Variants in CCDC126 observed in about 807,000 individuals in gnomAD.
The protein encoded by CCDC126 is coiled-coil domain containing 126.
CCDC126 carries 5 observed loss-of-function variants against 11.7 expected under a neutral mutation model. That is an observed-to-expected ratio of 0.43 (90% CI 0.22 to 0.90). The LOEUF (loss-of-function observed/expected upper bound fraction) is 0.90, where lower values mean the gene tolerates loss of function less well. CCDC126 is among the 40% of genes least tolerant of loss of function. CCDC126 has a pLI of 0.27. For synonymous variants in CCDC126, 60 were observed against 61.9 expected (o/e 0.97, Z 0.14); for missense variants, 150 against 163.1 (o/e 0.92, Z 0.44).
At chr7:23,631,903 A>G (rs1382484450) in intron 3 of CCDC126, among the ~76,000 whole-genome samples, 1 of 152,170 alleles carries the variant, frequency 6.6e-6, no homozygotes, top group East Asian at 1.9e-4. Flanking sequence ...CTTTTCCAGA[A>G]AATAGAAGGG....
chr7:23,612,817 T>A (rs527529847), intron 3 of CCDC126, among the ~76,000 whole-genome samples: 1 of 152,256 alleles, frequency 6.6e-6, no homozygotes, highest in Non-Finnish European at 1.5e-5. Context: ...AGGTTTTGCC[T>A]ATATATCTCC....
At chr7:23,608,492 T>A (rs1250427559) in intron 2 of CCDC126, among the ~76,000 whole-genome samples, 4 of 152,212 alleles carry the variant, frequency 2.6e-5, no homozygotes, top group Non-Finnish European at 5.9e-5. Context: ...TTTTTAATTT[T>A]TTTTAGCTCA....
At chr7:23,626,717 C>A (rs927881486) in intron 3 of CCDC126, among the ~76,000 whole-genome samples, 4 of 152,012 alleles carry the variant, frequency 2.6e-5, no homozygotes, top group Non-Finnish European at 5.9e-5. Flanking sequence ...TTCGTAAGTT[C>A]TTATCATTTA....
chr7:23,629,221 G>T (rs1050672125), intron 3 of CCDC126, among the ~76,000 whole-genome samples: 1 of 152,174 alleles, frequency 6.6e-6, no homozygotes, highest in African/African-American at 2.4e-5. Context: ...TCTTTGGGAG[G>T]TGATCATGTC....
intron 2 of CCDC126, among the ~76,000 whole-genome samples, chr7:23,598,967 A>T (rs563684739): frequency 1.4e-3 from 210 of 152,120 alleles, no homozygotes; most frequent in African/African-American, 4.7e-3. Context: ...GTTTTTTTTT[A>T]AATGTGGAAA....
intron 3 of CCDC126, among the ~76,000 whole-genome samples, chr7:23,631,804 C>T (rs59030480): frequency 2.7e-4 from 41 of 151,676 alleles, no homozygotes; most frequent in African/African-American, 5.6e-4. Context: ...AGTCCCCCCC[C>T]ACCCTGAAAA....
Position 23,636,777 on chromosome 7 carries a change from G to GA in CCDC126, c.239-6154_239-6153insA, listed in dbSNP as rs1490894897. Reference sequence around the variant, plus strand: ...CCCGTCCGGGAGGGAGGTGGGGGGGGGGTCAGCCCCCCGCCCGGCCAGCCG... The same window carrying GA: ...CCCGTCCGGGAGGGAGGTGGGGGGGGAGGTCAGCCCCCCGCCCGGCCAGCCG... On this transcript the variant is annotated intron_variant, in intron 3 of 3. Coordinates refer to ENST00000307471, the MANE Select transcript of CCDC126 (RefSeq NM_138771.4). Among the ~76,000 whole-genome samples, 796 of 141,980 alleles carry GA rather than the reference G, an allele frequency of 5.6e-3. 17 individuals are homozygous for GA. Among genetic ancestry groups the GA allele is most frequent in the African/African-American group, 0.02 (737 of 36,842 alleles). 93.1% of individuals were successfully genotyped at this position (141,980 alleles called of 152,430 possible). A position where few individuals can be genotyped will look rare whatever the true frequency, so the allele number is the denominator to read the frequency against.
chr7:23,619,769 C>A (rs1218720109), intron 3 of CCDC126, among the ~76,000 whole-genome samples: 1 of 129,662 alleles, frequency 7.7e-6, no homozygotes, highest in Non-Finnish European at 1.6e-5. Context: ...GTGTGATGTT[C>A]CCCTTCCTGT....
At chr7:23,637,214 GCCCC>G (rs1783246167) in intron 3 of CCDC126, among the ~76,000 whole-genome samples, 1 of 56,800 alleles carries the variant, frequency 1.8e-5, no homozygotes, top group South Asian at 1.0e-3. Context: ...GGGGGGGTCA[GCCCC>G]CCGCCCGGCC....
intron 3 of CCDC126, among the ~76,000 whole-genome samples, chr7:23,624,672 C>T (rs1278214857): frequency 6.6e-6 from 1 of 152,152 alleles, no homozygotes; most frequent in Admixed American, 6.5e-5. Context: ...GTTTTCCAAC[C>T]TGTGGTACCT....
At chr7:23,600,395 TA>T (rs1782520347) in intron 2 of CCDC126, among the ~76,000 whole-genome samples, 1 of 87,840 alleles carries the variant, frequency 1.1e-5, no homozygotes, top group African/African-American at 4.6e-5. Context: ...CCCACCACCA[TA>T]TTAGCCTCAG....
chr7:23,638,197 G>C (rs1220371451), intron 3 of CCDC126, among the ~76,000 whole-genome samples: 4 of 151,660 alleles, frequency 2.6e-5, no homozygotes, highest in Non-Finnish European at 4.4e-5. Context: ...GCCCGGCCAC[G>C]ACCCCGTCTG....
chr7:23,599,361 G>T (rs1782491203), intron 2 of CCDC126, among the ~76,000 whole-genome samples: 1 of 152,188 alleles, frequency 6.6e-6, no homozygotes, highest in African/African-American at 2.4e-5. Flanking sequence ...GGCCAGAGAT[G>T]CTAGCCTAGT....
At chr7:23,621,565 CTT>C (rs1164504915) in intron 3 of CCDC126, among the ~76,000 whole-genome samples, 1 of 152,134 alleles carries the variant, frequency 6.6e-6, no homozygotes, top group Non-Finnish European at 1.5e-5. Context: ...ATTGAATACT[CTT>C]TATTTCTTTC....
At chr7:23,642,792 T>G in intron 3 of CCDC126, 139 bp from the exon 4 acceptor site, 2 of 633,296 alleles carry the variant, frequency 3.2e-6, no homozygotes, top group South Asian at 5.1e-5. Context: ...GCTTTTCCTA[T>G]TTGTAGTATG....
intron 2 of CCDC126, among the ~76,000 whole-genome samples, chr7:23,605,116 G>A (rs576650419): frequency 6.6e-6 from 1 of 152,282 alleles, no homozygotes; most frequent in Admixed American, 6.5e-5. Flanking sequence ...AGTACTAAAG[G>A]ATGAAAAGGA....
At chr7:23,632,389 C>T (rs1783131692) in intron 3 of CCDC126, among the ~76,000 whole-genome samples, 1 of 152,220 alleles carries the variant, frequency 6.6e-6, no homozygotes, top group African/African-American at 2.4e-5. Context: ...AGCCACCACG[C>T]CTGGCCACAA....
chr7:23,622,710 G>A (rs1782936653), intron 3 of CCDC126: 5 of 528,042 alleles, frequency 9.5e-6, no homozygotes, highest in South Asian at 6.9e-5. Flanking sequence ...CAGCATAAAT[G>A]TTACATTGTG....
intron 3 of CCDC126, among the ~76,000 whole-genome samples, chr7:23,611,801 A>G (rs1782715216): frequency 6.6e-6 from 1 of 152,238 alleles, no homozygotes; most frequent in Non-Finnish European, 1.5e-5. Flanking sequence ...GAATATTTAA[A>G]CTATAGAAAT....
Sources: gnomAD v4.1 joint callset for allele counts (sites outside exome capture counted in the v4.1 genomes callset) on GRCh38, gnomAD v4.1.1 for gene constraint, MANE v1.5 for transcripts, NCBI Gene and HGNC (gene_info 2026-07-23, HGNC 2026-07-21) for gene names.